Variants in PPP2R2A observed in about 807,000 individuals in gnomAD.
PPP2R2A encodes the protein protein phosphatase 2 regulatory subunit Balpha.
Under a neutral mutation model 53.2 loss-of-function variants are expected in PPP2R2A, and 9 were observed. The ratio of observed to expected loss-of-function variants is 0.17; its 90% CI spans 0.10 to 0.30. The LOEUF is 0.30. PPP2R2A is among the 10% of genes least tolerant of loss of function. PPP2R2A has a pLI of 1.00. For synonymous variants in PPP2R2A, 169 were observed against 174.2 expected, an observed-to-expected ratio of 0.97 and a Z score of 0.23; for missense variants, 235 against 534.6, an observed-to-expected ratio of 0.44 and a Z score of 5.53.
At chr8:26,357,900 TG>T (rs1804877098) in intron 4 of PPP2R2A, among the ~76,000 whole-genome samples, 1 of 152,110 alleles carries the variant, frequency 6.6e-6, no homozygotes, top group South Asian at 2.1e-4. Context: ...CTGAAAACTG[TG>T]TTTTTACATA....
chr8:26,350,912 G>A (rs1331331349), intron 3 of PPP2R2A, among the ~76,000 whole-genome samples: 1 of 152,076 alleles, frequency 6.6e-6, no homozygotes, highest in Non-Finnish European at 1.5e-5. Context: ...AGCACTTTGG[G>A]AGGCTGAATT....
intron 7 of PPP2R2A, 50 bp from the exon 8 acceptor site, chr8:26,363,671 C>T (rs1805229154): frequency 1.4e-6 from 2 of 1,402,654 alleles, no homozygotes; most frequent in African/African-American, 1.4e-5. Context: ...TTGTCCAAGC[C>T]AGAATATTGT....
At chr8:26,303,100 C>T (rs941997500) in intron 2 of PPP2R2A, among the ~76,000 whole-genome samples, 5 of 152,086 alleles carry the variant, frequency 3.3e-5, no homozygotes, top group Non-Finnish European at 7.4e-5. Context: ...AAATTGCCTA[C>T]GAAAGTAGTT....
chr8:26,344,817 C>T (rs78900794), intron 3 of PPP2R2A, among the ~76,000 whole-genome samples: 1 of 152,138 alleles, frequency 6.6e-6, no homozygotes, highest in East Asian at 1.9e-4. Context: ...TTGAATTAAC[C>T]ATATTTCTTA....
At chr8:26,335,480 G>A (rs577080441) in intron 2 of PPP2R2A, among the ~76,000 whole-genome samples, 13 of 152,158 alleles carry the variant, frequency 8.5e-5, no homozygotes, top group African/African-American at 1.9e-4. Flanking sequence ...AAATATATGC[G>A]GTATAAAGAT....
rs1659250165 is a variant in PPP2R2A, at chr8:26,329,273, A to G, written c.83-9617A>G. ...TTGCATACCTTTTTAGAAGAAATAT[A>G]TACTTTTAATTTGGTATAATTTTTC... On this transcript the variant is annotated intron_variant, in intron 2 of 9. Transcript: ENST00000380737. Among the ~76,000 whole-genome samples, 5 of 152,240 alleles carry G rather than the reference A, an allele frequency of 3.3e-5. No individual in the cohort carries two copies. The South Asian group carries it at 1.0e-3, about 32-fold the overall frequency.
At chr8:26,345,554 C>T (rs889934487) in intron 3 of PPP2R2A, among the ~76,000 whole-genome samples, 1 of 152,062 alleles carries the variant, frequency 6.6e-6, no homozygotes, top group African/African-American at 2.4e-5. Context: ...AATACCTTTT[C>T]ATGTCATTCA....
chr8:26,318,605 A>G (rs528933200), intron 2 of PPP2R2A, among the ~76,000 whole-genome samples: 30 of 152,334 alleles, frequency 2.0e-4, no homozygotes, highest in African/African-American at 7.0e-4. Context: ...TGAAACTTTT[A>G]AAATACCAGT....
chr8:26,365,364 T>A (rs1379255541), intron 8 of PPP2R2A: 1 of 152,168 alleles, frequency 6.6e-6, no homozygotes, highest in Non-Finnish European at 1.5e-5. Context: ...GCTATTCCTC[T>A]GTATTACAGA....
intron 2 of PPP2R2A, among the ~76,000 whole-genome samples, chr8:26,331,173 T>C (rs1286066137): frequency 2.0e-5 from 3 of 152,172 alleles, no homozygotes; most frequent in Non-Finnish European, 2.9e-5. Context: ...TCTTCATAAC[T>C]CTCACCATGC....
chr8:26,297,947 C>T (rs764640048), intron 2 of PPP2R2A, among the ~76,000 whole-genome samples: 7 of 151,958 alleles, frequency 4.6e-5, no homozygotes, highest in African/African-American at 2.4e-5. Flanking sequence ...AAAATACATT[C>T]AAAATTAAGC....
At chr8:26,368,707 G>A (rs527518026) in intron 9 of PPP2R2A, among the ~76,000 whole-genome samples, 34 of 152,094 alleles carry the variant, frequency 2.2e-4, no homozygotes, top group Non-Finnish European at 3.8e-4. Context: ...AGACTGAAGT[G>A]CAAGGACTGC....
At chr8:26,292,365 A>G in intron 1 of PPP2R2A, 1 of 986,064 alleles carries the variant, frequency 1.0e-6, no homozygotes. Context: ...TTGAGACTGG[A>G]AGCCTAAATT....
At chr8:26,312,806 T>C (rs1410081054) in intron 2 of PPP2R2A, among the ~76,000 whole-genome samples, 1 of 152,190 alleles carries the variant, frequency 6.6e-6, no homozygotes, top group Non-Finnish European at 1.5e-5. Context: ...GAGGCACCTG[T>C]TCATCTCAGA....
intron 3 of PPP2R2A, among the ~76,000 whole-genome samples, chr8:26,345,465 A>G (rs1804163482): frequency 6.6e-6 from 1 of 152,244 alleles, no homozygotes; most frequent in Non-Finnish European, 1.5e-5. Flanking sequence ...CTTTTGGTAT[A>G]TACCAAAGGC....
intron 3 of PPP2R2A, among the ~76,000 whole-genome samples, chr8:26,345,348 A>C (rs985679876): frequency 6.6e-6 from 1 of 152,112 alleles, no homozygotes; most frequent in Non-Finnish European, 1.5e-5. Context: ...ATTATTAATA[A>C]TTTTTCCCTC....
At chr8:26,318,551 A>T (rs1025082558) in intron 2 of PPP2R2A, among the ~76,000 whole-genome samples, 5 of 152,212 alleles carry the variant, frequency 3.3e-5, no homozygotes, top group African/African-American at 1.2e-4. Context: ...AATTCATATG[A>T]TGCTCTTCTG....
intron 2 of PPP2R2A, among the ~76,000 whole-genome samples, chr8:26,336,720 A>G (rs185990804): frequency 1.3e-5 from 2 of 151,958 alleles, no homozygotes; most frequent in Non-Finnish European, 2.9e-5. Context: ...CTACAAAAAA[A>G]TTTTTTAAAA....
chr8:26,326,873 C>G (rs939798130), intron 2 of PPP2R2A, among the ~76,000 whole-genome samples: 1 of 152,062 alleles, frequency 6.6e-6, no homozygotes, highest in Non-Finnish European at 1.5e-5. Context: ...AGTTATATAC[C>G]AGGGCTTATT....
Sources: allele counts gnomAD v4.1 joint callset (sites outside exome capture counted in the v4.1 genomes callset), GRCh38; gene constraint gnomAD v4.1.1; transcripts MANE v1.5; gene names NCBI Gene and HGNC (gene_info 2026-07-23, HGNC 2026-07-21).